Variants in DNAH11 observed in about 807,000 individuals in gnomAD.
DNAH11 encodes the protein axonemal beta dynein heavy chain 11.
DNAH11 carries 442 observed loss-of-function variants against 526.0 expected under a neutral mutation model. That is an observed-to-expected ratio of 0.84 (90% CI 0.78 to 0.91). DNAH11 has a LOEUF of 0.91. DNAH11 is among the 40% of genes least tolerant of loss of function. The pLI is 0.00. For synonymous variants in DNAH11, 2,461 were observed against 1,935.9 expected (o/e 1.27, Z -7.12); for missense variants, 6,989 against 5,448.7 (o/e 1.28, Z -8.90).
intron 30 of DNAH11, among the ~76,000 whole-genome samples, chr7:21,672,421 G>C (rs1274438666): frequency 6.6e-6 from 1 of 152,166 alleles, no homozygotes; most frequent in Non-Finnish European, 1.5e-5. Flanking sequence ...AAGTAGGTAG[G>C]ACTACAGAGG....
At chr7:21,570,385 C>T in intron 7 of DNAH11, 86 bp downstream of exon 7, 1 of 1,107,902 alleles carries the variant, frequency 9.0e-7, no homozygotes, top group Non-Finnish European at 1.3e-6. Context: ...GAACAGTTTA[C>T]TTTATATCAT....
intron 68 of DNAH11, among the ~76,000 whole-genome samples, chr7:21,856,214 G>A (rs1045189405): frequency 1.3e-5 from 2 of 152,134 alleles, no homozygotes; most frequent in African/African-American, 4.8e-5. Context: ...GCAACAAGAA[G>A]CCATTGGAAG....
chr7:21,604,117 CAT>C (rs1424844877), intron 18 of DNAH11, among the ~76,000 whole-genome samples: 1 of 152,122 alleles, frequency 6.6e-6, no homozygotes, highest in Non-Finnish European at 1.5e-5. Flanking sequence ...TATGAGAAGT[CAT>C]AACATTTTCC....
chr7:21,744,462 T>C lies in DNAH11; in HGVS notation c.8179T>C (p.Cys2727Arg). ...GGGGATTTTATTTGCTTCTCCTGAG[T>C]GTTTAAAAGGTCCACTTGATTTAAT... ...FQGILFASPECLKGPLDLIHL... is the reference protein window; with the variant it reads ...FQGILFASPERLKGPLDLIHL... Residue 2727 changes from cysteine to arginine, a missense_variant, in exon 50 of 82, where the codon TGT becomes CGT. Physicochemically the swap from Cys to Arg is radical, Grantham distance 180. Coordinates refer to ENST00000409508, the MANE Select transcript of DNAH11 (RefSeq NM_001277115.2). 6.2e-7 allele frequency: 1 copy of C among 1,613,816 alleles called. No homozygotes were observed. Among genetic ancestry groups the C allele is most frequent in the Non-Finnish European group, 8.5e-7 (1 of 1,179,794 alleles).
chr7:21,601,515 G>C lies in DNAH11; in HGVS notation c.3545G>C (p.Arg1182Pro). Residue 1182 changes from arginine to proline, a missense_variant, in exon 18 of 82, where the codon CGA becomes CCA. Coordinates refer to ENST00000409508, the MANE Select transcript of DNAH11 (RefSeq NM_001277115.2). ...GTGCATCTTCTGGCTGTAAGAAGCCGACAGAGAGCTACTGATGAACTCTTT... is the reference window on the plus strand; with the variant it reads ...GTGCATCTTCTGGCTGTAAGAAGCCCACAGAGAGCTACTGATGAACTCTTT... ...IMVHLLAVRS[R>P]QRATDELFEP... is the part of the protein sequence containing the mutation. The C allele has an allele frequency of 6.2e-7, 1 of 1,613,726 alleles. No individual in the cohort carries two copies. The highest frequency in any genetic ancestry group is 1.1e-5 in the South Asian group (1 of 91,066).
chr7:21,762,770 G>T (rs747147117), intron 54 of DNAH11, among the ~76,000 whole-genome samples: 6 of 152,082 alleles, frequency 3.9e-5, no homozygotes, highest in Admixed American at 6.6e-5. Context: ...ATAAATTAAA[G>T]ACTTAAATAT....
intron 57 of DNAH11, 95 bp downstream of exon 57, chr7:21,779,199 A>T: frequency 4.9e-6 from 7 of 1,417,018 alleles, no homozygotes; most frequent in Non-Finnish European, 5.6e-6. Context: ...CTCTCCAGGG[A>T]GCATAAAGTC....
chr7:21,677,595 G>C (rs1323814245), intron 30 of DNAH11, among the ~76,000 whole-genome samples: 1 of 152,178 alleles, frequency 6.6e-6, no homozygotes, highest in Non-Finnish European at 1.5e-5. Flanking sequence ...CCATTGGCCA[G>C]GCTGGTCTTT....
chr7:21,698,282 T>C (rs1415471989), intron 36 of DNAH11, 69 bp downstream of exon 36: 2 of 1,577,982 alleles, frequency 1.3e-6, no homozygotes, highest in African/African-American at 2.8e-5. Context: ...GTATGGATTT[T>C]AGGTAATTTA....
intron 63 of DNAH11, among the ~76,000 whole-genome samples, chr7:21,814,208 G>A (rs1026638288): frequency 5.3e-5 from 8 of 152,272 alleles, no homozygotes; most frequent in South Asian, 2.1e-4. Flanking sequence ...CACCTATCGC[G>A]AATGGAGCAT....
chr7:21,808,201 T>A (rs1583718947), intron 63 of DNAH11, among the ~76,000 whole-genome samples, 152 bp downstream of exon 63: 1 of 152,196 alleles, frequency 6.6e-6, no homozygotes, highest in Non-Finnish European at 1.5e-5. Flanking sequence ...TGCTGCAGTT[T>A]TTCTTATTTT....
At chr7:21,589,174 C>T (rs550634726) in intron 11 of DNAH11, 34 bp from the exon 12 acceptor site, 228 of 1,476,952 alleles carry the variant, frequency 1.5e-4, no homozygotes, top group Admixed American at 2.1e-4. Flanking sequence ...ATCTAATATA[C>T]GTATAAACCA....
intron 45 of DNAH11, among the ~76,000 whole-genome samples, chr7:21,732,361 A>G (rs971590951): frequency 7.9e-5 from 12 of 152,280 alleles, no homozygotes; most frequent in South Asian, 2.1e-4. Flanking sequence ...GCTCAGTCCA[A>G]TGGCTTCATT....
chr7:21,566,607 A>G (rs1004118434), intron 6 of DNAH11, among the ~76,000 whole-genome samples: 2 of 150,984 alleles, frequency 1.3e-5, no homozygotes, highest in South Asian at 2.1e-4. Flanking sequence ...TTATAATGAA[A>G]AAAAAAAAAA....
intron 28 of DNAH11, among the ~76,000 whole-genome samples, chr7:21,655,520 G>C (rs892442107): frequency 6.6e-6 from 1 of 152,150 alleles, no homozygotes; most frequent in African/African-American, 2.4e-5. Context: ...CCAGTAGGAT[G>C]CCTGTCTACA....
intron 7 of DNAH11, chr7:21,570,761 G>A (rs6965956): frequency 0.34 from 52,169 of 151,786 alleles, 10,275 homozygotes; most frequent in Non-Finnish European, 0.44. Flanking sequence ...AAAACCATTT[G>A]TAAAAATAAA....
At chr7:21,571,573 C>T (rs977148200) in intron 7 of DNAH11, among the ~76,000 whole-genome samples, 22 of 152,080 alleles carry the variant, frequency 1.4e-4, no homozygotes, top group Non-Finnish European at 2.9e-5. Context: ...AGCCCTGTGC[C>T]TGGCCAGTGA....
At chr7:21,700,235 G>C (rs1340970571) in intron 36 of DNAH11, among the ~76,000 whole-genome samples, 1 of 152,154 alleles carries the variant, frequency 6.6e-6, no homozygotes, top group Non-Finnish European at 1.5e-5. Context: ...AGTACAGGTA[G>C]AACAAAGAAG....
chr7:21,828,683 G>A (rs1395859949), intron 65 of DNAH11, among the ~76,000 whole-genome samples: 1 of 151,158 alleles, frequency 6.6e-6, no homozygotes, highest in Non-Finnish European at 1.5e-5. Flanking sequence ...GTTTAAATAT[G>A]GATATGTTGA....
Sources: allele counts gnomAD v4.1 joint callset (sites outside exome capture counted in the v4.1 genomes callset), GRCh38; gene constraint gnomAD v4.1.1; transcripts MANE v1.5; gene names NCBI Gene and HGNC (gene_info 2026-07-23, HGNC 2026-07-21).